The following PCDHGB6 variants were observed in gnomAD, a reference collection of about 807,000 sequenced individuals.
PCDHGB6 encodes the protein protocadherin gamma subfamily B, 6, also known as protocadherin gamma-B6.
A neutral mutation model predicts 59.1 loss-of-function variants in PCDHGB6; 51 were observed. That is an observed-to-expected ratio of 0.86 (90% CI 0.69 to 1.09). The LOEUF (loss-of-function observed/expected upper bound fraction) is 1.09, where lower values mean the gene tolerates loss of function less well. Ranked by LOEUF, PCDHGB6 falls within the 50% of genes least tolerant of loss-of-function variation. The probability of loss-of-function intolerance (pLI) is 0.00; values close to 1 mark genes in which losing one functional copy is unlikely to be tolerated. For missense variants in PCDHGB6, 1,148 were observed against 1,205.1 expected (o/e 0.95, Z 0.70); for synonymous variants, 466 against 495.1 (o/e 0.94, Z 0.78).
intron 1 of PCDHGB6, among the ~76,000 whole-genome samples, chr5:141,468,000 C>G (rs1429450909): frequency 6.6e-6 from 1 of 152,028 alleles, no homozygotes; most frequent in East Asian, 1.9e-4. Flanking sequence ...ATTCTTTCTT[C>G]CTCTGTTATA....
rs1259098111 is a variant in PCDHGB6 at position 141,489,418 on chromosome 5, T to C, written c.2419-5389T>C. On this transcript the variant is annotated intron_variant, in intron 1 of 3. Coordinates refer to ENST00000520790, the MANE Select transcript of PCDHGB6 (RefSeq NM_018926.3). This position sits in a 1 kb window ranked among gnomAD's most constrained non-coding sequence, Gnocchi z 4.5. ...TCTGGGCTTAAAGATGACAGATCTGTTGAGCCGGCGGCTGCAATTGGGCTC... is the reference window on the plus strand; with the variant it reads ...TCTGGGCTTAAAGATGACAGATCTGCTGAGCCGGCGGCTGCAATTGGGCTC... The C allele has an allele frequency of 1.2e-6, 2 of 1,614,174 alleles. No individual in the cohort carries two copies. The highest frequency in any genetic ancestry group is 8.5e-7 in the Non-Finnish European group (1 of 1,180,032).
intron 1 of PCDHGB6, chr5:141,418,939 C>G: frequency 6.2e-7 from 1 of 1,613,760 alleles, no homozygotes; most frequent in Non-Finnish European, 8.5e-7. Context: ...TGGAGGATTC[C>G]CCTCCAGGAG....
rs1032445242 is a variant in PCDHGB6 at position 141,487,571 on chromosome 5, G to C, written c.2419-7236G>C. The C allele has an allele frequency of 6.2e-7, 1 of 1,614,060 alleles. No homozygotes were observed. The highest frequency in any genetic ancestry group is 8.5e-7 in the Non-Finnish European group (1 of 1,180,046). ...CAGTGCACCTATGGCAGGGGAGCCTGTTCGCCCAAGCTGCCCACCCTCTGA... is the reference window on the plus strand; with the variant it reads ...CAGTGCACCTATGGCAGGGGAGCCTCTTCGCCCAAGCTGCCCACCCTCTGA... On this transcript the variant is annotated intron_variant, in intron 1 of 3. Transcript: ENST00000520790. This position sits in a 1 kb window ranked among gnomAD's most constrained non-coding sequence, Gnocchi z 5.0.
At position 141,424,135 on chromosome 5, in the gene PCDHGB6, G is replaced by A. The variant is rs572224199; in HGVS notation, c.2418+13515G>A. 1.1e-4 allele frequency: 47 copies of A among 431,606 alleles called. No individual in the cohort carries two copies. The South Asian group carries it at 4.6e-3, about 43-fold the overall frequency. The allele number at this position is 431,606 out of a possible 1,614,324, so 26.7% of individuals were successfully genotyped here. On this transcript the variant is annotated intron_variant, in intron 1 of 3. Coordinates refer to ENST00000520790, the MANE Select transcript of PCDHGB6 (RefSeq NM_018926.3). The stretch of plus-strand genomic sequence containing the variant: ...AAATTTTGATCCTGTTGATTTAATA[G>A]CATGCTCCCTCTAGCTCTCCTTCTC...
Position 141,410,362 on chromosome 5 carries a change from C to A in PCDHGB6, c.2160C>A (p.Ser720Arg), listed in dbSNP as rs1270552318. Reference protein sequence around the residue: ...AIALRLRRSLSPATWDCFHPG... With the variant: ...AIALRLRRSLRPATWDCFHPG... ...CCTTGCGCCTGCGACGCTCTCTCAG[C>A]CCTGCTACTTGGGACTGCTTCCATC... The change falls in exon 1 of 4, where the codon AGC (serine) becomes AGA (arginine). Residue 720 changes from serine to arginine, a missense_variant. Physicochemically the swap from Ser to Arg is moderately radical, Grantham distance 110. Transcript: ENST00000520790. 8.1e-6 allele frequency: 13 copies of A among 1,613,954 alleles called. No individual in the cohort carries two copies. The highest frequency in any genetic ancestry group is 1.0e-5 in the Non-Finnish European group (12 of 1,179,920).
chr5:141,502,084 G>A (rs1438350526), intron 2 of PCDHGB6, among the ~76,000 whole-genome samples: 1 of 152,154 alleles, frequency 6.6e-6, no homozygotes, highest in African/African-American at 2.4e-5. Context: ...CTGGGGCTGA[G>A]AACACCTGGC....
chr5:141,504,224 C>T (rs2099836716), intron 2 of PCDHGB6, among the ~76,000 whole-genome samples: 2 of 152,160 alleles, frequency 1.3e-5, no homozygotes, highest in African/African-American at 4.8e-5. Flanking sequence ...TAGAGCTGAA[C>T]CTTCTAAGAA....
intron 1 of PCDHGB6, chr5:141,413,266 GGA>G: frequency 6.2e-7 from 1 of 1,613,962 alleles, no homozygotes; most frequent in South Asian, 1.1e-5. Context: ...ATGGGAGGCT[GGA>G]GCCCGGCAGA....
intron 2 of PCDHGB6, among the ~76,000 whole-genome samples, chr5:141,498,967 G>A (rs896386012): frequency 1.5e-5 from 2 of 129,584 alleles, no homozygotes. Context: ...GAGGGAGGGA[G>A]GGAGGGAAGG....
rs1434083091 is a variant in PCDHGB6 at position 141,450,833 on chromosome 5, T to TA, written c.2418+40213_2418+40214insA. 6.4e-3 allele frequency among the ~76,000 whole-genome samples: 943 copies of TA among 147,260 alleles called. 6 individuals carry two copies. The highest frequency in any genetic ancestry group is 0.014 in the Middle Eastern group (4 of 276). ...TTATTTAATATTATTATTATTATTT[T>TA]TTTTTTTTTGAGATGGGGTCTTGCT... is the stretch of plus-strand genomic sequence containing the variant. On this transcript the variant is annotated intron_variant, in intron 1 of 3. Coordinates refer to ENST00000520790, the MANE Select transcript of PCDHGB6 (RefSeq NM_018926.3).
chr5:141,450,468 A>G (rs1187171122), intron 1 of PCDHGB6, among the ~76,000 whole-genome samples: 2 of 151,696 alleles, frequency 1.3e-5, no homozygotes, highest in African/African-American at 4.9e-5. Flanking sequence ...TTTTATATAT[A>G]GAGTTTGTTT....
chr5:141,441,882 C>A, intron 1 of PCDHGB6: 1 of 343,664 alleles, frequency 2.9e-6, no homozygotes, highest in South Asian at 2.6e-5. Context: ...GCTACCTGGT[C>A]ACCAAGGTGG....
chr5:141,470,680 T>C (rs1212361233), intron 1 of PCDHGB6, among the ~76,000 whole-genome samples: 1 of 152,090 alleles, frequency 6.6e-6, no homozygotes, highest in Non-Finnish European at 1.5e-5. Context: ...GCTGTTACCA[T>C]CTTGAAATTC....
rs61612330 is a variant in PCDHGB6 at position 141,454,796 on chromosome 5, A to ATTTTTTTTTTTTTTTT, written c.2419-39997_2419-39982dup. Among the ~76,000 whole-genome samples the ATTTTTTTTTTTTTTTT allele has an allele frequency of 1.2e-3, 96 of 77,456 alleles. 8 individuals are homozygous for ATTTTTTTTTTTTTTTT. The highest frequency in any genetic ancestry group is 2.0e-3 in the South Asian group (4 of 1,960). 50.8% of individuals were successfully genotyped at this position (77,456 alleles called of 152,430 possible). A position where few individuals can be genotyped will look rare whatever the true frequency, so the allele number is the denominator to read the frequency against. ...AAGGAAATAATCCTCCATGGTTCTA[A>ATTTTTTTTTTTTTTTT]TTTTTTTTTTTTTTTTTTTTTTTTT... On this transcript the variant is annotated intron_variant, in intron 1 of 3. Coordinates refer to ENST00000520790, the MANE Select transcript of PCDHGB6 (RefSeq NM_018926.3).
intron 1 of PCDHGB6, among the ~76,000 whole-genome samples, chr5:141,463,762 T>C (rs113547206): frequency 2.0e-5 from 3 of 152,214 alleles, no homozygotes; most frequent in African/African-American, 4.8e-5. Flanking sequence ...TCTTCTCTTA[T>C]GGGTTAGAAT....
chr5:141,499,174 C>T (rs930279867), intron 2 of PCDHGB6, among the ~76,000 whole-genome samples: 20 of 152,198 alleles, frequency 1.3e-4, no homozygotes, highest in Middle Eastern at 3.4e-3. Flanking sequence ...AGCTCTGAGC[C>T]CAGCAAACCA....
intron 1 of PCDHGB6, chr5:141,426,449 G>A (rs1449929836): frequency 1.6e-5 from 5 of 307,646 alleles, no homozygotes; most frequent in East Asian, 8.0e-5. Flanking sequence ...GAGGACATGC[G>A]GCTGCATGTT....
At chr5:141,454,567 C>T (rs572130062) in intron 1 of PCDHGB6, among the ~76,000 whole-genome samples, 10 of 150,966 alleles carry the variant, frequency 6.6e-5, no homozygotes, top group South Asian at 2.1e-4. Context: ...CCACCACGCC[C>T]GGCTAATTTT....
chr5:141,503,556 G>A (rs1021346255), intron 2 of PCDHGB6, among the ~76,000 whole-genome samples: 1 of 145,962 alleles, frequency 6.9e-6, no homozygotes, highest in East Asian at 2.0e-4. Context: ...CCGAGATCGC[G>A]CCACTGTACT....
Sources: gnomAD v4.1 joint callset for allele counts (sites outside exome capture counted in the v4.1 genomes callset) on GRCh38, gnomAD v4.1.1 for gene constraint, Gnocchi (gnomAD v3.1) non-coding constraint, MANE v1.5 for transcripts, NCBI Gene and HGNC (gene_info 2026-07-23, HGNC 2026-07-21) for gene names.